The following PERP variants were observed in gnomAD, a reference collection of about 807,000 sequenced individuals.
The protein encoded by PERP is p53 apoptosis effector related to PMP-22.
A neutral mutation model predicts 20.3 loss-of-function variants in PERP; 11 were observed. The observed-to-expected ratio is 0.54, with a 90% CI of 0.34 to 0.90. The LOEUF is 0.90. Ranked by LOEUF, PERP falls within the 40% of genes least tolerant of loss-of-function variation. The pLI is 0.02. For synonymous variants in PERP, 101 were observed against 102.0 expected (o/e 0.99, Z 0.06); for missense variants, 224 against 249.4 (o/e 0.90, Z 0.69).
chr6:138,104,883 T>C (rs1244051392), intron 1 of PERP, among the ~76,000 whole-genome samples: 1 of 150,484 alleles, frequency 6.6e-6, no homozygotes, highest in Non-Finnish European at 1.5e-5. Flanking sequence ...TTACTAAGGC[T>C]ATCTGAAAAT....
chr6:138,102,087 T>G (rs1775782754), intron 1 of PERP, among the ~76,000 whole-genome samples: 1 of 152,214 alleles, frequency 6.6e-6, no homozygotes, highest in Non-Finnish European at 1.5e-5. Flanking sequence ...GGCAGTTAAA[T>G]GGCTCAACAG....
intron 1 of PERP, among the ~76,000 whole-genome samples, chr6:138,098,157 G>A (rs545472976): frequency 3.9e-5 from 6 of 152,248 alleles, no homozygotes; most frequent in African/African-American, 9.6e-5. Flanking sequence ...TTGGAAGATC[G>A]TGCACACTTA....
At chr6:138,103,432 G>A (rs530963256) in intron 1 of PERP, among the ~76,000 whole-genome samples, 8 of 152,136 alleles carry the variant, frequency 5.3e-5, no homozygotes, top group East Asian at 1.9e-4. Flanking sequence ...GATTATAGGC[G>A]TGAGCCACCA....
Position 138,092,178 on chromosome 6 carries a change from T to C in PERP, c.446A>G (p.Tyr149Cys). ...CCACCCAAAGCCGTAGGCCCAGTTA[T>C]AGATGTAAGTGACAGCAGGGTTGGC... ...LHANPAVTYI[Y>C]NWAYGFGWAA... Residue 149 changes from tyrosine to cysteine, a missense_variant, in exon 3 of 3, where the codon TAT becomes TGT. Coordinates refer to ENST00000421351, the MANE Select transcript of PERP (RefSeq NM_022121.5). 2 of 1,613,970 alleles carry C rather than the reference T, an allele frequency of 1.2e-6. No homozygotes were observed. Among genetic ancestry groups the C allele is most frequent in the East Asian group, 4.5e-5 (2 of 44,888 alleles).
chr6:138,092,393 G>A, intron 2 of PERP, 125 bp from the exon 3 acceptor site: 1 of 851,228 alleles, frequency 1.2e-6, no homozygotes. Context: ...AATCTACCTG[G>A]AGGCAGGAGG....
At chr6:138,105,634 G>A (rs946561442) in intron 1 of PERP, among the ~76,000 whole-genome samples, 31 of 152,216 alleles carry the variant, frequency 2.0e-4, no homozygotes, top group African/African-American at 7.2e-4. Context: ...AGGCACGCTA[G>A]TCTTACTTTA....
rs1427441605 is a variant in PERP, at chr6:138,107,327, C to T, written c.14G>A (p.Gly5Asp). The T allele has an allele frequency of 1.3e-6, 2 of 1,598,200 alleles. No homozygotes were observed. Among genetic ancestry groups the T allele is most frequent in the Non-Finnish European group, 1.7e-6 (2 of 1,175,624 alleles). The change falls in exon 1 of 3, where the codon GGC (glycine) becomes GAC (aspartate). Residue 5 changes from glycine to aspartate, a missense_variant. Physicochemically the swap from Gly to Asp is moderately conservative, Grantham distance 94 (BLOSUM62 -1). Transcript: ENST00000421351. This position sits in a 1 kb window ranked among gnomAD's most constrained non-coding sequence, Gnocchi z 4.8. MIRC[G>D]LACERCRWIL... ...CCAGCGGCAGCGCTCGCAGGCCAGG[C>T]CGCAGCGGATCATGTTGACGGGCGG...
At chr6:138,102,193 GCT>G (rs1297298376) in intron 1 of PERP, among the ~76,000 whole-genome samples, 1 of 152,184 alleles carries the variant, frequency 6.6e-6, no homozygotes, top group Non-Finnish European at 1.5e-5. Flanking sequence ...CTACTCCATT[GCT>G]CTCTGTTACT....
At chr6:138,101,545 T>C (rs1186097593) in intron 1 of PERP, among the ~76,000 whole-genome samples, 1 of 152,178 alleles carries the variant, frequency 6.6e-6, no homozygotes, top group Non-Finnish European at 1.5e-5. Flanking sequence ...CTGCATTCTT[T>C]GGTAGTTTTA....
rs533145859 is a variant in PERP, at chr6:138,094,066, G to T, written c.356-1798C>A. Among the ~76,000 whole-genome samples, 4 of 152,198 alleles carry T rather than the reference G, an allele frequency of 2.6e-5. No homozygotes were observed. The South Asian group carries it at 6.2e-4, about 24-fold the overall frequency. On this transcript the variant is annotated intron_variant, in intron 2 of 2. Coordinates refer to ENST00000421351, the MANE Select transcript of PERP (RefSeq NM_022121.5). ...TGGATGGCCATTGCTAGATCTTTTT[G>T]TTTTAATGCTACAAGAAAGCAATGG...
intron 1 of PERP, among the ~76,000 whole-genome samples, chr6:138,098,130 T>C (rs1775724077): frequency 6.6e-6 from 1 of 152,244 alleles, no homozygotes; most frequent in Non-Finnish European, 1.5e-5. Context: ...GACTTTAGTC[T>C]ATCCGTTCAT....
chr6:138,106,730 T>C (rs1395804617), intron 1 of PERP, among the ~76,000 whole-genome samples: 2 of 152,144 alleles, frequency 1.3e-5, no homozygotes, highest in South Asian at 2.1e-4. Context: ...TATTTCAATA[T>C]TTATATTTTA....
At chr6:138,095,597 G>A (rs1458085455) in intron 2 of PERP, among the ~76,000 whole-genome samples, 3 of 152,130 alleles carry the variant, frequency 2.0e-5, no homozygotes, top group South Asian at 2.1e-4. Flanking sequence ...TCGCTTTGCC[G>A]CTGTCAGCAC....
rs1397990790 is a variant in PERP at position 138,090,597 on chromosome 6, T to G, written c.*1445A>C. 1 of 152,388 alleles carries G rather than the reference T, an allele frequency of 6.6e-6. No homozygotes were observed. The highest frequency in any genetic ancestry group is 2.4e-5 in the African/African-American group (1 of 41,446). The allele number at this position is 152,388 out of a possible 1,614,324, so 9.4% of individuals were successfully genotyped here. A position where few individuals can be genotyped will look rare whatever the true frequency, so the allele number is the denominator to read the frequency against. ...TTGAGGAAAAGTTCAGGGAATAGAC[T>G]ATTAGAATTCATTAATCTCCACTCA... On this transcript the variant is annotated 3_prime_UTR_variant, in exon 3 of 3. Transcript: ENST00000421351.
intron 1 of PERP, among the ~76,000 whole-genome samples, chr6:138,106,278 A>G (rs1775839404): frequency 6.6e-6 from 1 of 152,100 alleles, no homozygotes; most frequent in Admixed American, 6.5e-5. Flanking sequence ...TGTGATTCCC[A>G]TCCACCCCCA....
Position 138,096,400 on chromosome 6 carries a change from C to A in PERP, c.309G>T (p.Gln103His). 1 of 1,614,134 alleles carries A rather than the reference C, an allele frequency of 6.2e-7. No homozygotes were observed. Among genetic ancestry groups the A allele is most frequent in the Non-Finnish European group, 8.5e-7 (1 of 1,180,018 alleles). Residue 103 changes from glutamine to histidine, a missense_variant, in exon 2 of 3, where the codon CAG becomes CAT. By Grantham distance (24) the Gln-to-His change is conservative (BLOSUM62 0). Transcript: ENST00000421351. ...ILSFFALCGP[Q>H]MLVFLRVIGG... ...CAATCACTCTCAGGAAGACAAGCAT[C>A]TGGGGTCCACAGAGGGCGAAGAAGG...
intron 1 of PERP, among the ~76,000 whole-genome samples, chr6:138,099,148 C>G (rs962491304): frequency 3.9e-5 from 6 of 152,176 alleles, no homozygotes; most frequent in African/African-American, 1.4e-4. Context: ...CTGTGCCTCC[C>G]TCCAGACCTA....
At chr6:138,092,312 A>G (rs1775601233) in intron 2 of PERP, 44 bp from the exon 3 acceptor site, 3 of 1,483,378 alleles carry the variant, frequency 2.0e-6, no homozygotes, top group Non-Finnish European at 2.8e-6. Flanking sequence ...GCATACATGC[A>G]TGAAGGAATA....
chr6:138,095,656 A>T (rs1176207048), intron 2 of PERP, among the ~76,000 whole-genome samples: 1 of 151,820 alleles, frequency 6.6e-6, no homozygotes, highest in East Asian at 1.9e-4. Context: ...TCTGAATCTA[A>T]CTCCGTGGCT....
Sources: gnomAD v4.1 joint callset for allele counts (sites outside exome capture counted in the v4.1 genomes callset) on GRCh38, gnomAD v4.1.1 for gene constraint, Gnocchi (gnomAD v3.1) non-coding constraint, MANE v1.5 for transcripts, NCBI Gene and HGNC (gene_info 2026-07-23, HGNC 2026-07-21) for gene names.